Variants in RAB5C observed in about 807,000 individuals in gnomAD.
RAB5C encodes ras-related protein Rab-5C.
RAB5C carries 4 observed loss-of-function variants against 25.2 expected under a neutral mutation model. That is an observed-to-expected ratio of 0.16 (90% confidence interval 0.08 to 0.36). The LOEUF (loss-of-function observed/expected upper bound fraction) is 0.36. RAB5C is among the 10% of genes least tolerant of loss of function. RAB5C has a pLI of 1.00. For synonymous variants in RAB5C, 100 were observed against 106.4 expected (o/e 0.94, Z 0.37); for missense variants, 199 against 283.8 (o/e 0.70, Z 2.15).
chr17:42,150,711 CA>C (rs894081087), intron 1 of RAB5C, among the ~76,000 whole-genome samples: 46 of 136,890 alleles, frequency 3.4e-4, no homozygotes, highest in Admixed American at 3.8e-4. Flanking sequence ...ACAAAAATAC[CA>C]AAAAAAAAAA....
chr17:42,126,910 G>T, intron 4 of RAB5C, 62 bp from the exon 5 acceptor site: 2 of 1,088,308 alleles, frequency 1.8e-6, no homozygotes, highest in South Asian at 1.3e-5. Context: ...AGGGCCCAGG[G>T]CCCAGGATAC....
At position 42,125,625 on chromosome 17, in the gene RAB5C, C is replaced by T; in HGVS notation, c.*158G>A. The T allele has an allele frequency of 1.7e-6, 1 of 596,636 alleles. No homozygotes were observed. Among genetic ancestry groups the T allele is most frequent in the Non-Finnish European group, 3.0e-6 (1 of 334,916 alleles). The allele number at this position is 596,636 out of a possible 1,614,324, so 37.0% of individuals were successfully genotyped here. A position where few individuals can be genotyped will look rare whatever the true frequency, so the allele number is the denominator to read the frequency against. ...AGAAAGGTGCAGGTGGAATGACTCA[C>T]TCCGGCCTATGATCAAAATTATATG... On this transcript the variant is annotated 3_prime_UTR_variant, in exon 6 of 6. Transcript: ENST00000346213.
intron 1 of RAB5C, chr17:42,131,464 G>A: frequency 2.7e-6 from 2 of 727,602 alleles, no homozygotes; most frequent in South Asian, 1.8e-5. Context: ...AAAAACACAT[G>A]CCAACACACA....
At chr17:42,145,531 C>T (rs200190483) in intron 1 of RAB5C, among the ~76,000 whole-genome samples, 8 of 152,222 alleles carry the variant, frequency 5.3e-5, no homozygotes, top group Admixed American at 2.0e-4. Context: ...TGTTAGCTCA[C>T]GCATGTAATC....
At chr17:42,131,798 A>G in intron 1 of RAB5C, 1 of 562,216 alleles carries the variant, frequency 1.8e-6, no homozygotes, top group South Asian at 2.0e-5. Flanking sequence ...TTGCAGACAC[A>G]TGAGGAGCCT....
At chr17:42,127,349 G>A (rs1313700688) in intron 4 of RAB5C, among the ~76,000 whole-genome samples, 1 of 152,172 alleles carries the variant, frequency 6.6e-6, no homozygotes, top group African/African-American at 2.4e-5. Flanking sequence ...TAGAAGAAGA[G>A]AAGTTGAGTT....
intron 1 of RAB5C, among the ~76,000 whole-genome samples, chr17:42,148,111 A>G (rs1177168570): frequency 6.6e-6 from 1 of 151,938 alleles, no homozygotes; most frequent in African/African-American, 2.4e-5. Flanking sequence ...AAACAAACAA[A>G]AAAAAAGAAG....
At chr17:42,127,720 G>A (rs2054441067) in intron 4 of RAB5C, among the ~76,000 whole-genome samples, 1 of 151,404 alleles carries the variant, frequency 6.6e-6, no homozygotes, top group Non-Finnish European at 1.5e-5. Flanking sequence ...TTAGACATGG[G>A]GTTTCGCCAC....
intron 1 of RAB5C, among the ~76,000 whole-genome samples, chr17:42,151,033 C>G (rs2079667418): frequency 6.6e-6 from 1 of 152,180 alleles, no homozygotes; most frequent in Admixed American, 6.5e-5. Flanking sequence ...AGCCCAGGGT[C>G]ACACAACTGG....
At chr17:42,135,735 C>G (rs988628997) in intron 1 of RAB5C, among the ~76,000 whole-genome samples, 1 of 152,208 alleles carries the variant, frequency 6.6e-6, no homozygotes, top group Non-Finnish European at 1.5e-5. Context: ...TTCACCTTTC[C>G]TCTAATCCAC....
intron 1 of RAB5C, among the ~76,000 whole-genome samples, chr17:42,132,523 A>G (rs1257893317): frequency 6.6e-6 from 1 of 152,096 alleles, no homozygotes; most frequent in Non-Finnish European, 1.5e-5. Context: ...GAACTCAAAG[A>G]GTGCTGATGG....
At chr17:42,126,873 G>A in intron 4 of RAB5C, 25 bp from the exon 5 acceptor site, 1 of 1,534,060 alleles carries the variant, frequency 6.5e-7, no homozygotes, top group Non-Finnish European at 9.0e-7. Context: ...GGTGAGAGGA[G>A]GTGAGAGGGA....
chr17:42,125,414 G>A lies in RAB5C; in HGVS notation c.*369C>T, dbSNP rs1235059894. On this transcript the variant is annotated 3_prime_UTR_variant, in exon 6 of 6. Transcript: ENST00000346213. ...TTGCTGGGTCCGCTGTTCCGCAGGA[G>A]GGAAAGAAAGGGTAGCTGCACTGAC... 5.7e-6 allele frequency: 1 copy of A among 175,568 alleles called. No homozygotes were observed. The highest frequency in any genetic ancestry group is 2.4e-5 in the African/African-American group (1 of 42,012). The allele number at this position is 175,568 out of a possible 1,614,324, so 10.9% of individuals were successfully genotyped here.
At chr17:42,143,996 G>A (rs1337959929) in intron 1 of RAB5C, among the ~76,000 whole-genome samples, 1 of 152,006 alleles carries the variant, frequency 6.6e-6, no homozygotes, top group Non-Finnish European at 1.5e-5. Flanking sequence ...ATGTTGGCTA[G>A]GCTGGTCTCA....
At chr17:42,128,449 A>G in intron 3 of RAB5C, 66 bp from the exon 4 acceptor site, 2 of 1,542,632 alleles carry the variant, frequency 1.3e-6, no homozygotes, top group Non-Finnish European at 1.8e-6. Context: ...CACCCATTAG[A>G]GACTCTCAAG....
chr17:42,126,636 A>AAAT (rs1446716895), intron 5 of RAB5C, 119 bp downstream of exon 5: 1 of 356,328 alleles, frequency 2.8e-6, no homozygotes. Context: ...CATCTCAAAA[A>AAAT]AAAAAAAAAA....
intron 1 of RAB5C, among the ~76,000 whole-genome samples, chr17:42,144,979 A>C (rs2079624927): frequency 8.1e-6 from 1 of 123,562 alleles, no homozygotes; most frequent in Non-Finnish European, 1.7e-5. Flanking sequence ...AAAAAAAAAA[A>C]AGAAACCCCA....
intron 1 of RAB5C, chr17:42,136,253 G>A (rs1238937186): frequency 2.6e-5 from 4 of 152,176 alleles, no homozygotes. Flanking sequence ...ATTAGTTGGG[G>A]AGATGATTTA....
At chr17:42,132,912 C>T (rs2054500470) in intron 1 of RAB5C, among the ~76,000 whole-genome samples, 1 of 152,124 alleles carries the variant, frequency 6.6e-6, no homozygotes, top group South Asian at 2.1e-4. Flanking sequence ...GGTGACAGAA[C>T]CCCCCAGACC....
Sources: allele counts gnomAD v4.1 joint callset (sites outside exome capture counted in the v4.1 genomes callset), GRCh38; gene constraint gnomAD v4.1.1; transcripts MANE v1.5; gene names NCBI Gene and HGNC (gene_info 2026-07-23, HGNC 2026-07-21).